The following EDC3 variants were observed in gnomAD, a reference collection of about 807,000 sequenced individuals.
EDC3 encodes enhancer of mRNA-decapping protein 3.
A neutral mutation model predicts 41.8 loss-of-function variants in EDC3; 20 were observed. The observed-to-expected ratio is 0.48, with a 90% confidence interval of 0.34 to 0.70. The LOEUF is 0.70. EDC3 is among the 30% of genes least tolerant of loss of function. The pLI is 0.01. For synonymous variants in EDC3, 206 were observed against 243.2 expected, an observed-to-expected ratio of 0.85 and a Z score of 1.42; for missense variants, 444 against 636.8, an observed-to-expected ratio of 0.70 and a Z score of 3.26.
chr15:74,635,396 C>T lies in EDC3; in HGVS notation c.1192+13G>A. The stretch of plus-strand genomic sequence containing the variant: ...GGAGGAGGCCTTCAGCCCAGCCCTG[C>T]CTAAGTGCTCACCTTTGAGGCTAGA... On this transcript the variant is annotated intron_variant, in intron 6 of 6. Coordinates refer to ENST00000315127, the MANE Select transcript of EDC3 (RefSeq NM_025083.5). 6.2e-7 allele frequency: 1 copy of T among 1,613,726 alleles called. No individual in the cohort carries two copies. Among genetic ancestry groups the T allele is most frequent in the Non-Finnish European group, 8.5e-7 (1 of 1,179,570 alleles).
At chr15:74,636,140 T>G in intron 5 of EDC3, 1 of 160,934 alleles carries the variant, frequency 6.2e-6, no homozygotes, top group Non-Finnish European at 1.4e-5. Context: ...CTCTGGCTCA[T>G]GCCTTTACCT....
At chr15:74,657,336 C>T (rs1213646073) in intron 3 of EDC3, among the ~76,000 whole-genome samples, 1 of 152,246 alleles carries the variant, frequency 6.6e-6, no homozygotes, top group Non-Finnish European at 1.5e-5. Context: ...TGCACCGGCT[C>T]ACATGTGCAC....
At chr15:74,677,738 C>T (rs184636245) in intron 1 of EDC3, among the ~76,000 whole-genome samples, 50 of 152,258 alleles carry the variant, frequency 3.3e-4, no homozygotes, top group African/African-American at 1.1e-3. Context: ...CAATCACTCT[C>T]CTTGGTATTT....
At chr15:74,670,619 G>A (rs911551983) in intron 3 of EDC3, among the ~76,000 whole-genome samples, 2 of 152,062 alleles carry the variant, frequency 1.3e-5, no homozygotes, top group African/African-American at 4.8e-5. Flanking sequence ...TAGCAGAGAC[G>A]AGGTTTCAAC....
chr15:74,662,433 A>AT (rs1461373195), intron 3 of EDC3, among the ~76,000 whole-genome samples: 32 of 145,456 alleles, frequency 2.2e-4, no homozygotes, highest in African/African-American at 7.9e-4. Context: ...ATATATATAT[A>AT]TATTTTTTTT....
At chr15:74,636,219 G>A (rs1439756127) in intron 5 of EDC3, 1 of 154,962 alleles carries the variant, frequency 6.5e-6, no homozygotes, top group East Asian at 1.9e-4. Context: ...GTTGCCAATG[G>A]TTCTCTTTAC....
chr15:74,637,721 T>C (rs368574860), intron 5 of EDC3: 13 of 152,054 alleles, frequency 8.5e-5, no homozygotes, highest in African/African-American at 2.7e-4. Flanking sequence ...AGAATGAAAA[T>C]AGGCTGGAGT....
intron 4 of EDC3, 24 bp from the exon 5 acceptor site, chr15:74,640,643 A>G (rs2062339709): frequency 1.2e-6 from 2 of 1,614,006 alleles, no homozygotes; most frequent in Non-Finnish European, 1.7e-6. Context: ...GGAGAAGAGA[A>G]AGGGAAAGTG....
rs1267840992 is a variant in EDC3, at chr15:74,648,437, G to GT, written c.820+7295_820+7296insA. The stretch of plus-strand genomic sequence containing the variant: ...AAAGCCAAACTTGTCCTAAGAGCTA[G>GT]ATACATCCCCACCAAGGCTCAAAGA... On this transcript the variant is annotated intron_variant, in intron 4 of 6. Transcript: ENST00000315127. 5.3e-5 allele frequency among the ~76,000 whole-genome samples: 8 copies of GT among 152,292 alleles called. No individual in the cohort carries two copies. In the East Asian group the frequency reaches 1.5e-3, roughly 29 times the overall value.
chr15:74,668,746 G>GAAAT (rs1242248347), intron 3 of EDC3, among the ~76,000 whole-genome samples: 1 of 151,594 alleles, frequency 6.6e-6, no homozygotes, highest in Non-Finnish European at 1.5e-5. Flanking sequence ...AAGAAAGAAA[G>GAAAT]AAAGAAAGAA....
intron 4 of EDC3, among the ~76,000 whole-genome samples, chr15:74,647,601 A>G (rs1201330870): frequency 1.3e-5 from 2 of 152,168 alleles, no homozygotes; most frequent in Admixed American, 6.5e-5. Flanking sequence ...GAGATCACCA[A>G]TGATCATAAC....
At chr15:74,633,078 CCT>C in intron 6 of EDC3, 132 bp from the exon 7 acceptor site, 1 of 1,012,906 alleles carries the variant, frequency 9.9e-7, no homozygotes, top group Non-Finnish European at 1.4e-6. Flanking sequence ...CAAAGGCTGG[CCT>C]TCTTAAAGCT....
At position 74,671,362 on chromosome 15, in the gene EDC3, A is replaced by G; in HGVS notation, c.484+93T>C. ...CTCAGCCAGCATCCATTTTATTGGAATAACAAAGGATTTGTTTAAAGAGCA... is the reference window on the plus strand; with the variant it reads ...CTCAGCCAGCATCCATTTTATTGGAGTAACAAAGGATTTGTTTAAAGAGCA... On this transcript the variant is annotated intron_variant, in intron 3 of 6. Coordinates refer to ENST00000315127, the MANE Select transcript of EDC3 (RefSeq NM_025083.5). The surrounding 1 kb of genome is among the most constrained non-coding windows in gnomAD (Gnocchi z 4.6). 7.4e-7 allele frequency: 1 copy of G among 1,356,030 alleles called. No homozygotes were observed. The highest frequency in any genetic ancestry group is 1.0e-6 in the Non-Finnish European group (1 of 984,580). The allele number at this position is 1,356,030 out of a possible 1,614,324, so 84.0% of individuals were successfully genotyped here. A position where few individuals can be genotyped will look rare whatever the true frequency, so the allele number is the denominator to read the frequency against.
Position 74,633,090 on chromosome 15 carries a change from TG to T in EDC3, c.1193-145del, listed in dbSNP as rs2141565839. 7.7e-6 allele frequency: 7 copies of T among 910,800 alleles called. No homozygotes were observed. The South Asian group carries it at 1.0e-4, about 13-fold the overall frequency. 56.4% of individuals were successfully genotyped at this position (910,800 alleles called of 1,614,324 possible). On this transcript the variant is annotated intron_variant, in intron 6 of 6. Coordinates refer to ENST00000315127, the MANE Select transcript of EDC3 (RefSeq NM_025083.5). Reference sequence around the variant, plus strand: ...CTCCAAAGGCTGGCCTTCTTAAAGCTGGGCCAGGGCACAGGCCCTAGGAGTT... The same window carrying T: ...CTCCAAAGGCTGGCCTTCTTAAAGCTGGCCAGGGCACAGGCCCTAGGAGTT...
At chr15:74,640,155 G>A (rs1394950323) in intron 5 of EDC3, 1 of 297,920 alleles carries the variant, frequency 3.4e-6, no homozygotes, top group Non-Finnish European at 6.3e-6. Flanking sequence ...GAGTGCCAAA[G>A]GCCAGGTCTC....
intron 3 of EDC3, among the ~76,000 whole-genome samples, chr15:74,665,274 C>T (rs2062664725): frequency 6.6e-6 from 1 of 152,194 alleles, no homozygotes; most frequent in African/African-American, 2.4e-5. Context: ...GATCTGCCCA[C>T]CTCAGTCTCC....
intron 1 of EDC3, among the ~76,000 whole-genome samples, chr15:74,678,821 T>G (rs1356507418): frequency 6.5e-5 from 8 of 123,040 alleles, no homozygotes; most frequent in Admixed American, 9.1e-5. Context: ...AATGGGGAGG[T>G]GGAGGTTGCA....
Position 74,632,922 on chromosome 15 carries a change from A to C in EDC3, c.1217T>G (p.Leu406Arg). The C allele has an allele frequency of 6.2e-7, 1 of 1,614,176 alleles. No individual in the cohort carries two copies. Among genetic ancestry groups the C allele is most frequent in the Non-Finnish European group, 8.5e-7 (1 of 1,179,992 alleles). ...AGGGCAATCCAGGCAGTTGATGACC[A>C]GGTCCACAGGGCTAGTGGGCAGATC... ...LKDLPTSPVD[L>R]VINCLDCPEN... Residue 406 changes from leucine (L) to arginine (R), a missense_variant, in exon 7 of 7, where the codon CTG (leucine) becomes CGG (arginine). By Grantham distance (102) the Leu-to-Arg change is moderately radical. Transcript: ENST00000315127. The surrounding 1 kb of genome is among the most constrained non-coding windows in gnomAD (Gnocchi z 4.0).
intron 3 of EDC3, among the ~76,000 whole-genome samples, chr15:74,659,538 T>C (rs1198827793): frequency 6.9e-6 from 1 of 145,420 alleles, no homozygotes; most frequent in Non-Finnish European, 1.5e-5. Flanking sequence ...TATGATGTGA[T>C]TAGAGTTAGA....
Sources: allele counts gnomAD v4.1 joint callset (sites outside exome capture counted in the v4.1 genomes callset), GRCh38; gene constraint gnomAD v4.1.1; non-coding constraint Gnocchi (gnomAD v3.1); transcripts MANE v1.5; gene names NCBI Gene and HGNC (gene_info 2026-07-23, HGNC 2026-07-21).